The following ASPG variants were observed in gnomAD, a reference collection of about 807,000 sequenced individuals.
The protein encoded by ASPG is asparaginase, also known as 60 kDa lysophospholipase.
Under a neutral mutation model 63.2 loss-of-function variants are expected in ASPG, and 53 were observed. The ratio of observed to expected loss-of-function variants is 0.84; its 90% CI spans 0.67 to 1.05. The LOEUF is 1.05. ASPG is among the 50% of genes least tolerant of loss of function. The probability of loss-of-function intolerance (pLI) is 0.00; values close to 1 mark genes in which losing one functional copy is unlikely to be tolerated. For synonymous variants in ASPG, 370 were observed against 355.0 expected (o/e 1.04, Z -0.48); for missense variants, 741 against 794.4 (o/e 0.93, Z 0.81).
At chr14:104,095,729 G>A (rs1036281980) in intron 4 of ASPG, 73 bp downstream of exon 4, 49 of 1,581,322 alleles carry the variant, frequency 3.1e-5, no homozygotes, top group Non-Finnish European at 3.7e-5. Context: ...CGCTGTGGGC[G>A]GCCGCTGCGG....
At chr14:104,090,288 G>A (rs1246972006) in intron 1 of ASPG, among the ~76,000 whole-genome samples, 1 of 152,200 alleles carries the variant, frequency 6.6e-6, no homozygotes, top group African/African-American at 2.4e-5. Context: ...CCCCACATGA[G>A]TCAGCAGCAG....
At position 104,109,996 on chromosome 14, in the gene ASPG, A is replaced by T; in HGVS notation, c.1520+681A>T. The T allele has an allele frequency of 3.0e-6, 3 of 985,118 alleles. No individual in the cohort carries two copies. Among genetic ancestry groups the T allele is most frequent in the African/African-American group, 1.7e-5 (1 of 57,238 alleles). 61.0% of individuals were successfully genotyped at this position (985,118 alleles called of 1,614,324 possible). On this transcript the variant is annotated intron_variant, in intron 13 of 15. Transcript: ENST00000551177. This position sits in a 1 kb window ranked among gnomAD's most constrained non-coding sequence, Gnocchi z 4.8. ...GTGGAGGTGGGCCAGGGATGCAGGG[A>T]TCCTCCTCTGTCCGCCACAGCCAGA... is the stretch of plus-strand genomic sequence containing the variant.
intron 1 of ASPG, among the ~76,000 whole-genome samples, chr14:104,088,705 G>A (rs750568182): frequency 6.6e-5 from 10 of 152,144 alleles, no homozygotes; most frequent in African/African-American, 9.7e-5. Flanking sequence ...TGTGCCCTTG[G>A]CCTGGACCTC....
At chr14:104,101,149 C>T (rs1445075057) in intron 6 of ASPG, among the ~76,000 whole-genome samples, 1 of 152,144 alleles carries the variant, frequency 6.6e-6, no homozygotes, top group African/African-American at 2.4e-5. Flanking sequence ...CTGAGTGTTT[C>T]CCACGTGCGT....
chr14:104,097,326 T>G (rs2141002962), intron 4 of ASPG, among the ~76,000 whole-genome samples: 1 of 152,232 alleles, frequency 6.6e-6, no homozygotes, highest in Admixed American at 6.5e-5. Flanking sequence ...ACAGCTGTTG[T>G]TGGCGGCCTT....
intron 7 of ASPG, 107 bp downstream of exon 7, chr14:104,103,782 C>G: frequency 1.1e-6 from 1 of 872,878 alleles, no homozygotes; most frequent in Non-Finnish European, 1.7e-6. Context: ...GTGCAGACCC[C>G]GCGTGGACCT....
intron 1 of ASPG, among the ~76,000 whole-genome samples, chr14:104,087,000 G>A (rs1373592991): frequency 7.2e-6 from 1 of 138,766 alleles, no homozygotes; most frequent in African/African-American, 2.7e-5. Context: ...TTCCCTGGCA[G>A]CTGCCCCTCC....
intron 1 of ASPG, among the ~76,000 whole-genome samples, chr14:104,088,182 T>C (rs916683096): frequency 6.6e-6 from 1 of 152,150 alleles, no homozygotes. Flanking sequence ...TGGCCTTCCC[T>C]GGGGAGGTGA....
chr14:104,092,518 C>T (rs868189578), intron 1 of ASPG, 115 bp from the exon 2 acceptor site: 4 of 866,484 alleles, frequency 4.6e-6, no homozygotes, highest in Non-Finnish European at 7.2e-6. Context: ...CAGCCTCTGA[C>T]TGTCATAAGA....
intron 4 of ASPG, among the ~76,000 whole-genome samples, chr14:104,095,967 C>G (rs1416667681): frequency 6.6e-6 from 1 of 152,174 alleles, no homozygotes; most frequent in Non-Finnish European, 1.5e-5. Flanking sequence ...CCTCCCGATG[C>G]TTCCTTGCGG....
chr14:104,109,395 G>T lies in ASPG; in HGVS notation c.1520+80G>T. ...GAAGCGAAGCCAGACCTGCTGGGAG[G>T]GACAAGTGAGTCAGGGTGTGGGGGC... On this transcript the variant is annotated intron_variant, in intron 13 of 15. Coordinates refer to ENST00000551177, the MANE Select transcript of ASPG (RefSeq NM_001080464.3). This position sits in a 1 kb window ranked among gnomAD's most constrained non-coding sequence, Gnocchi z 4.8. 6.9e-7 allele frequency: 1 copy of T among 1,445,212 alleles called. No individual in the cohort carries two copies. The highest frequency in any genetic ancestry group is 1.4e-5 in the African/African-American group (1 of 71,572). 89.5% of individuals were successfully genotyped at this position (1,445,212 alleles called of 1,614,324 possible).
Position 104,109,766 on chromosome 14 carries a change from T to C in ASPG, c.1520+451T>C, listed in dbSNP as rs1370059232. The stretch of plus-strand genomic sequence containing the variant: ...GGCAGGTGACAGGTCTCGTGAGCTC[T>C]GTTCTCCCCAGCGTGGTTCCTGTCC... On this transcript the variant is annotated intron_variant, in intron 13 of 15. Transcript: ENST00000551177. The surrounding 1 kb of genome is among the most constrained non-coding windows in gnomAD (Gnocchi z 4.8). Among the ~76,000 whole-genome samples the C allele has an allele frequency of 6.6e-6, 1 of 151,956 alleles. No individual in the cohort carries two copies. The highest frequency in any genetic ancestry group is 2.4e-5 in the African/African-American group (1 of 41,344).
At position 104,098,996 on chromosome 14, in the gene ASPG, C is replaced by T. The variant is rs751057932; in HGVS notation, c.640+17C>T. On this transcript the variant is annotated intron_variant, in intron 6 of 15. Coordinates refer to ENST00000551177, the MANE Select transcript of ASPG (RefSeq NM_001080464.3). The stretch of plus-strand genomic sequence containing the variant: ...ACATCACAAGTAAGCCCCGCAGGAG[C>T]AGGGCCAGGTGCCTGCCCAGTGCTG... 3.5e-5 allele frequency: 55 copies of T among 1,572,420 alleles called. 3 individuals are homozygous for T. The Admixed American group carries it at 9.7e-4, about 28-fold the overall frequency.
At chr14:104,089,947 CAAAAAAAAAAAAAA>C (rs58405958) in intron 1 of ASPG, among the ~76,000 whole-genome samples, 1 of 56,338 alleles carries the variant, frequency 1.8e-5, no homozygotes, top group Non-Finnish European at 2.9e-5. Context: ...GACTCTGCCT[CAAAAAAAAAAAAAA>C]AAAAAAAAAA....
chr14:104,086,557 G>C (rs981385692), intron 1 of ASPG, among the ~76,000 whole-genome samples: 9 of 152,240 alleles, frequency 5.9e-5, no homozygotes, highest in Admixed American at 5.2e-4. Context: ...ATGGTAGCTT[G>C]GGGAGCCTGA....
chr14:104,095,784 C>A, intron 4 of ASPG, 128 bp downstream of exon 4: 1 of 1,264,014 alleles, frequency 7.9e-7, no homozygotes, highest in Non-Finnish European at 1.1e-6. Flanking sequence ...GAGGTGGCTG[C>A]TGCAGGGCCC....
chr14:104,097,331 G>C (rs571078850), intron 4 of ASPG, among the ~76,000 whole-genome samples: 33 of 152,228 alleles, frequency 2.2e-4, no homozygotes, highest in African/African-American at 7.2e-4. Context: ...TGTTGTTGGC[G>C]GCCTTGGAGA....
At chr14:104,106,753 T>C (rs2037146485) in intron 10 of ASPG, 46 bp from the exon 11 acceptor site, 1 of 1,513,066 alleles carries the variant, frequency 6.6e-7, no homozygotes, top group Non-Finnish European at 9.0e-7. Flanking sequence ...TTCCACCAGA[T>C]GCCAAAGGGA....
Position 104,104,360 on chromosome 14 carries a change from A to G in ASPG, c.810A>G (p.Ser270=). 3 of 1,612,572 alleles carry G rather than the reference A, an allele frequency of 1.9e-6. No homozygotes were observed. The highest frequency in any genetic ancestry group is 1.1e-5 in the South Asian group (1 of 91,076). The change falls in exon 8 of 16, where the codon TCA becomes TCG. Residue 270 remains serine (S), a synonymous_variant. Coordinates refer to ENST00000551177, the MANE Select transcript of ASPG (RefSeq NM_001080464.3). ...LKGVVMETFG[S]GNGPTKPDLL... is the part of the protein sequence containing the mutation. ...GCGTGGTCATGGAGACCTTCGGTTCAGGGAACGGACCCACCAAGCCCGACC... is the reference window on the plus strand; with the variant it reads ...GCGTGGTCATGGAGACCTTCGGTTCGGGGAACGGACCCACCAAGCCCGACC...
Sources: allele counts gnomAD v4.1 joint callset (sites outside exome capture counted in the v4.1 genomes callset), GRCh38; gene constraint gnomAD v4.1.1; non-coding constraint Gnocchi (gnomAD v3.1); transcripts MANE v1.5; gene names NCBI Gene and HGNC (gene_info 2026-07-23, HGNC 2026-07-21).